EGFLAM: variants seen among roughly 807,000 people sequenced by gnomAD.
EGFLAM encodes pikachurin.
In EGFLAM, 79 loss-of-function variants were observed where a neutral mutation model predicts 113.1. That is an observed-to-expected ratio of 0.70 (90% CI 0.58 to 0.84). The LOEUF (loss-of-function observed/expected upper bound fraction) is 0.84, where lower values mean the gene tolerates loss of function less well. Ranked by LOEUF, EGFLAM falls within the 40% of genes least tolerant of loss-of-function variation. The pLI is 0.00. For synonymous variants in EGFLAM, 504 were observed against 487.6 expected (o/e 1.03, Z -0.44); for missense variants, 1,265 against 1,291.6 (o/e 0.98, Z 0.32).
intron 1 of EGFLAM, among the ~76,000 whole-genome samples, chr5:38,259,064 T>C (rs551375482): frequency 6.6e-6 from 1 of 152,334 alleles, no homozygotes; most frequent in East Asian, 1.9e-4. Flanking sequence ...AAAAGAATGA[T>C]CAATTTTCCA....
At chr5:38,431,720 G>A (rs1270144361) in intron 15 of EGFLAM, among the ~76,000 whole-genome samples, 2 of 152,174 alleles carry the variant, frequency 1.3e-5, no homozygotes, top group Non-Finnish European at 2.9e-5. Context: ...TTACTTACCA[G>A]TGGTGTGAGC....
At chr5:38,312,822 T>C (rs1039872802) in intron 1 of EGFLAM, among the ~76,000 whole-genome samples, 14 of 152,152 alleles carry the variant, frequency 9.2e-5, no homozygotes, top group Admixed American at 7.2e-4. Context: ...GTGCAGTGGC[T>C]CACACCTGTA....
intron 15 of EGFLAM, among the ~76,000 whole-genome samples, chr5:38,433,799 C>T (rs1334643310): frequency 1.3e-5 from 2 of 152,294 alleles, no homozygotes; most frequent in Admixed American, 1.3e-4. Flanking sequence ...TCTGCTGGGC[C>T]ACAAGAATTC....
intron 16 of EGFLAM, 32 bp downstream of exon 16, chr5:38,435,285 C>T: frequency 1.4e-6 from 2 of 1,474,932 alleles, no homozygotes; most frequent in Non-Finnish European, 1.9e-6. Flanking sequence ...GTTTACTGGG[C>T]CACCCAGACT....
chr5:38,436,038 G>A (rs573793733), intron 16 of EGFLAM, among the ~76,000 whole-genome samples: 23 of 152,024 alleles, frequency 1.5e-4, no homozygotes, highest in African/African-American at 5.1e-4. Flanking sequence ...GGCTGGTCTC[G>A]AACTCCTGAC....
chr5:38,318,610 C>T (rs948524131), intron 1 of EGFLAM, among the ~76,000 whole-genome samples: 4 of 152,022 alleles, frequency 2.6e-5, no homozygotes, highest in East Asian at 1.9e-4. Context: ...CAGGTTCAAG[C>T]GATTCACCTG....
chr5:38,349,357 G>A (rs1015795512), intron 3 of EGFLAM, among the ~76,000 whole-genome samples: 3 of 152,152 alleles, frequency 2.0e-5, no homozygotes, highest in African/African-American at 7.2e-5. Flanking sequence ...GGTAAGCAGA[G>A]AAGAGGAAGG....
At chr5:38,454,840 G>T (rs1219178906) in intron 19 of EGFLAM, among the ~76,000 whole-genome samples, 1 of 152,132 alleles carries the variant, frequency 6.6e-6, no homozygotes, top group South Asian at 2.1e-4. Flanking sequence ...AAGGCTTTCT[G>T]CCAGAGAATA....
At chr5:38,393,127 TA>T (rs2112091527) in intron 6 of EGFLAM, among the ~76,000 whole-genome samples, 1 of 152,362 alleles carries the variant, frequency 6.6e-6, no homozygotes, top group African/African-American at 2.4e-5. Context: ...TGTTGGATTT[TA>T]AAAATGAAAA....
intron 17 of EGFLAM, 71 bp downstream of exon 17, chr5:38,438,526 C>T: frequency 7.1e-7 from 1 of 1,409,434 alleles, no homozygotes; most frequent in East Asian, 2.5e-5. Flanking sequence ...TGGGGGACCA[C>T]AACTCTTAAT....
intron 11 of EGFLAM, among the ~76,000 whole-genome samples, chr5:38,417,347 C>CAAAAAAA (rs752613827): frequency 1.8e-4 from 14 of 78,470 alleles, no homozygotes; most frequent in South Asian, 6.4e-4. Flanking sequence ...GACTCTGTCT[C>CAAAAAAA]AAAAAAAAAA....
chr5:38,319,167 C>T (rs13361364), intron 1 of EGFLAM, among the ~76,000 whole-genome samples: 22,137 of 152,058 alleles, frequency 0.15, 1,688 homozygotes, highest in African/African-American at 0.17. Flanking sequence ...CCCCCAACTC[C>T]CAGGGTTCTC....
At chr5:38,410,086 G>A (rs1741429980) in intron 10 of EGFLAM, among the ~76,000 whole-genome samples, 1 of 152,170 alleles carries the variant, frequency 6.6e-6, no homozygotes, top group Non-Finnish European at 1.5e-5. Context: ...GGTTAAATGA[G>A]TTAATTCATA....
chr5:38,333,893 T>C (rs763172247), intron 1 of EGFLAM, among the ~76,000 whole-genome samples: 5 of 151,144 alleles, frequency 3.3e-5, no homozygotes, highest in Admixed American at 2.0e-4. Context: ...TCACTCATTG[T>C]CTGTTTATTT....
intron 15 of EGFLAM, among the ~76,000 whole-genome samples, chr5:38,433,610 G>A (rs1360962822): frequency 1.3e-5 from 2 of 152,188 alleles, no homozygotes; most frequent in East Asian, 1.9e-4. Context: ...ACGAGGCCCC[G>A]CTGCTGGACA....
At chr5:38,302,007 A>C (rs149209461) in intron 1 of EGFLAM, among the ~76,000 whole-genome samples, 2,011 of 152,238 alleles carry the variant, frequency 0.013, 42 homozygotes, top group African/African-American at 0.045. Context: ...TGGGAGGCCA[A>C]GGTGGGTGGA....
At chr5:38,383,753 G>T (rs1004742748) in intron 6 of EGFLAM, among the ~76,000 whole-genome samples, 1 of 152,012 alleles carries the variant, frequency 6.6e-6, no homozygotes, top group African/African-American at 2.4e-5. Context: ...GTAGAGGATG[G>T]TGGGAGCTGC....
chr5:38,265,860 C>A (rs558116469), intron 1 of EGFLAM, among the ~76,000 whole-genome samples: 1 of 152,328 alleles, frequency 6.6e-6, no homozygotes, highest in South Asian at 2.1e-4. Context: ...AAACAAGAAC[C>A]TCAGATGACT....
intron 3 of EGFLAM, among the ~76,000 whole-genome samples, chr5:38,349,952 TACACACAC>T (rs60439871): frequency 0.013 from 1,873 of 144,302 alleles, 41 homozygotes; most frequent in African/African-American, 0.046. Context: ...GCAGGGGAAG[TACACACAC>T]ACACACACAC....
Sources: gnomAD v4.1 joint callset for allele counts (sites outside exome capture counted in the v4.1 genomes callset) on GRCh38, gnomAD v4.1.1 for gene constraint, MANE v1.5 for transcripts, NCBI Gene and HGNC (gene_info 2026-07-23, HGNC 2026-07-21) for gene names.